The following DNM1L variants were observed in gnomAD, a reference collection of about 807,000 sequenced individuals.
DNM1L encodes the protein dynamin 1L, also known as dynamin-1-like protein.
DNM1L carries 33 observed loss-of-function variants against 92.8 expected under a neutral mutation model. The ratio of observed to expected loss-of-function variants is 0.36; its 90% confidence interval spans 0.27 to 0.48. DNM1L has a LOEUF of 0.48. Among genes scored for constraint, DNM1L ranks in the 20% least tolerant of loss-of-function variants. The pLI is 0.99. For missense variants in DNM1L, 485 were observed against 888.8 expected, an observed-to-expected ratio of 0.55 and a Z score of 5.78; for synonymous variants, 284 against 305.0, an observed-to-expected ratio of 0.93 and a Z score of 0.72.
In DNM1L at chr12:32,731,811, A is replaced by AAAC. The variant is rs1954573673; in HGVS notation, c.1357-40_1357-38dup. ...TTAGTGAGACTATGACTTAAAAAAA[A>AAAC]AACAAAAAACAAACACGTTTTTCTT... On this transcript the variant is annotated intron_variant, in intron 11 of 19. Coordinates refer to ENST00000549701, the MANE Select transcript of DNM1L (RefSeq NM_012062.5). The surrounding 1 kb of genome is among the most constrained non-coding windows in gnomAD (Gnocchi z 5.1). 1 of 1,561,914 alleles carries AAAC rather than the reference A, an allele frequency of 6.4e-7. No individual in the cohort carries two copies. The highest frequency in any genetic ancestry group is 1.7e-5 in the Admixed American group (1 of 59,866).
At chr12:32,717,088 TTA>T (rs1953419865) in intron 6 of DNM1L, among the ~76,000 whole-genome samples, 1 of 130,020 alleles carries the variant, frequency 7.7e-6, no homozygotes, top group Non-Finnish European at 1.6e-5. Context: ...TATATATATT[TTA>T]TATATATATT....
intron 3 of DNM1L, 22 bp from the exon 4 acceptor site, chr12:32,708,131 T>C: frequency 6.7e-7 from 1 of 1,498,688 alleles, no homozygotes; most frequent in Admixed American, 1.7e-5. Flanking sequence ...ATATTATGCT[T>C]TTTTATTTCA....
intron 1 of DNM1L, among the ~76,000 whole-genome samples, chr12:32,699,449 C>T (rs997367627): frequency 6.6e-6 from 1 of 151,922 alleles, no homozygotes; most frequent in Non-Finnish European, 1.5e-5. Context: ...TACAGAAAGC[C>T]ATTAAAGAAA....
chr12:32,699,017 C>G (rs1952584740), intron 1 of DNM1L, among the ~76,000 whole-genome samples: 1 of 150,574 alleles, frequency 6.6e-6, no homozygotes, highest in Non-Finnish European at 1.5e-5. Flanking sequence ...GAGACCCCAT[C>G]TCTTAAAAAA....
intron 1 of DNM1L, among the ~76,000 whole-genome samples, chr12:32,695,290 G>T (rs1354600300): frequency 1.3e-5 from 2 of 152,050 alleles, no homozygotes; most frequent in Non-Finnish European, 2.9e-5. Context: ...GCAAATTTTT[G>T]AAGAAAAACA....
intron 2 of DNM1L, among the ~76,000 whole-genome samples, chr12:32,703,210 C>G (rs1952784101): frequency 6.6e-6 from 1 of 152,046 alleles, no homozygotes; most frequent in East Asian, 1.9e-4. Flanking sequence ...ATCGTAGTGT[C>G]AGCTCTTTGG....
intron 1 of DNM1L, among the ~76,000 whole-genome samples, chr12:32,699,975 C>G (rs1219799090): frequency 1.3e-5 from 2 of 151,794 alleles, no homozygotes; most frequent in African/African-American, 4.8e-5. Context: ...CTTAAATGAA[C>G]TAAATCTAGT....
rs1955500462 is a variant in DNM1L at position 32,744,147 on chromosome 12, T to G, written c.*737T>G. ...TTAAAAACAGCCATCTACCCTTGATTATCTAGAAAGACTTGGTAATGATGG... is the reference window on the plus strand; with the variant it reads ...TTAAAAACAGCCATCTACCCTTGATGATCTAGAAAGACTTGGTAATGATGG... On this transcript the variant is annotated 3_prime_UTR_variant, in exon 20 of 20. Transcript: ENST00000549701. 6.6e-6 allele frequency: 1 copy of G among 152,258 alleles called. No individual in the cohort carries two copies. Among genetic ancestry groups the G allele is most frequent in the South Asian group, 2.1e-4 (1 of 4,832 alleles). The allele number at this position is 152,258 out of a possible 1,614,324, so 9.4% of individuals were successfully genotyped here.
chr12:32,743,206 A>G, intron 19 of DNM1L, 148 bp from the exon 20 acceptor site: 3 of 747,156 alleles, frequency 4.0e-6, no homozygotes, highest in Middle Eastern at 7.7e-4. Context: ...GTACTTGATT[A>G]GATTCTAATT....
At chr12:32,688,183 C>T (rs185909951) in intron 1 of DNM1L, among the ~76,000 whole-genome samples, 1 of 152,262 alleles carries the variant, frequency 6.6e-6, no homozygotes, top group East Asian at 1.9e-4. Flanking sequence ...CCTTGGCCTC[C>T]CAAAATGCTG....
rs764033068 is a variant in DNM1L, at chr12:32,731,528, T to C, written c.1356+17T>C. On this transcript the variant is annotated intron_variant, in intron 11 of 19. Transcript: ENST00000549701. The surrounding 1 kb of genome is among the most constrained non-coding windows in gnomAD (Gnocchi z 5.1). Reference sequence around the variant, plus strand: ...AGTACACAGGTAACGGAGAGAAATGTAACAGGTTTCACATGAACTAGAAAA... The same window carrying C: ...AGTACACAGGTAACGGAGAGAAATGCAACAGGTTTCACATGAACTAGAAAA... 3.7e-6 allele frequency: 6 copies of C among 1,613,698 alleles called. No homozygotes were observed. The highest frequency in any genetic ancestry group is 5.1e-6 in the Non-Finnish European group (6 of 1,179,942).
rs1555229948 is a variant in DNM1L at position 32,679,368 on chromosome 12, A to C, written c.5A>C (p.Glu2Ala). 6.2e-7 allele frequency: 1 copy of C among 1,612,622 alleles called. No individual in the cohort carries two copies. Among genetic ancestry groups the C allele is most frequent in the Non-Finnish European group, 8.5e-7 (1 of 1,179,024 alleles). ...GGGCCCCGTGTTTTCAGAGTCATGG[A>C]GGCGCTAATTCCTGTCATAAACAAG... Reference protein sequence around the residue: MEALIPVINKLQ... With the variant: MAALIPVINKLQ... The change falls in exon 1 of 20, where the codon GAG (glutamate) becomes GCG (alanine). Residue 2 changes from glutamate to alanine, a missense_variant. Physicochemically the swap from Glu to Ala is moderately radical, Grantham distance 107. This residue lies in a region of DNM1L where 19 missense variants were observed against 16.1 expected (regional missense o/e 1.18). Coordinates refer to ENST00000549701, the MANE Select transcript of DNM1L (RefSeq NM_012062.5).
chr12:32,717,312 TTATATATAC>T (rs1337557935), intron 6 of DNM1L, among the ~76,000 whole-genome samples: 90 of 82,228 alleles, frequency 1.1e-3, no homozygotes, highest in Admixed American at 1.2e-3. Context: ...ATACTATATA[TTATATATAC>T]ACTATATATT....
chr12:32,708,201 G>C lies in DNM1L; in HGVS notation c.346G>C (p.Glu116Gln). Residue 116 changes from glutamate to glutamine, a missense_variant, in exon 4 of 20, where the codon GAA becomes CAA. Physicochemically the swap from Glu to Gln is conservative, Grantham distance 29 (BLOSUM62 2). Coordinates refer to ENST00000549701, the MANE Select transcript of DNM1L (RefSeq NM_012062.5). ...TCGACAAGAAATTGAAAATGAAACA[G>C]AAAGAATTTCAGGAAATAATAAGGT... is the stretch of plus-strand genomic sequence containing the variant. ...EIRQEIENET[E>Q]RISGNNKGVS... 1 of 1,603,622 alleles carries C rather than the reference G, an allele frequency of 6.2e-7. No individual in the cohort carries two copies. Among genetic ancestry groups the C allele is most frequent in the Non-Finnish European group, 8.5e-7 (1 of 1,171,350 alleles).
intron 2 of DNM1L, chr12:32,705,887 G>C (rs768908965): frequency 3.8e-6 from 6 of 1,596,068 alleles, no homozygotes; most frequent in Non-Finnish European, 3.4e-6. Context: ...ATTTGCTTTT[G>C]ACCCTTTTTT....
chr12:32,736,387 T>G (rs542165100), intron 13 of DNM1L, among the ~76,000 whole-genome samples: 9 of 152,298 alleles, frequency 5.9e-5, no homozygotes, highest in South Asian at 2.1e-4. Flanking sequence ...CATAATCTTT[T>G]ACCTATCTTG....
At chr12:32,729,427 C>CA (rs747617884) in intron 9 of DNM1L, among the ~76,000 whole-genome samples, 55 of 152,206 alleles carry the variant, frequency 3.6e-4, no homozygotes, top group Non-Finnish European at 6.6e-4. Flanking sequence ...CTCCTCCCTC[C>CA]AGCCCTGGTA....
At chr12:32,717,428 T>TATATATAATATATA (rs1484105966) in intron 6 of DNM1L, among the ~76,000 whole-genome samples, 3 of 43,702 alleles carry the variant, frequency 6.9e-5, no homozygotes, top group African/African-American at 6.4e-4. Context: ...AAATATATAC[T>TATATATAATATATA]ATATATATTT....
chr12:32,741,881 G>T (rs1955322696), intron 18 of DNM1L, among the ~76,000 whole-genome samples: 1 of 152,128 alleles, frequency 6.6e-6, no homozygotes, highest in Non-Finnish European at 1.5e-5. Context: ...TCTGTGCTGT[G>T]CATGTAATGA....
Sources: gnomAD v4.1 joint callset for allele counts (sites outside exome capture counted in the v4.1 genomes callset) on GRCh38, gnomAD v4.1.1 for gene constraint, gnomAD v4.1.1 regional missense constraint, Gnocchi (gnomAD v3.1) non-coding constraint, MANE v1.5 for transcripts, NCBI Gene and HGNC (gene_info 2026-07-23, HGNC 2026-07-21) for gene names.